Variants in ANKIB1 observed in about 807,000 individuals in gnomAD.
The protein encoded by ANKIB1 is ankyrin repeat and IBR domain containing 1, also known as ankyrin repeat and IBR domain-containing protein 1.
In ANKIB1, 43 loss-of-function variants were observed where a neutral mutation model predicts 122.1. The ratio of observed to expected loss-of-function variants is 0.35; its 90% CI spans 0.28 to 0.45. The LOEUF (loss-of-function observed/expected upper bound fraction) is 0.45, where lower values mean the gene tolerates loss of function less well. ANKIB1 is among the 20% of genes least tolerant of loss of function. The probability of loss-of-function intolerance (pLI) is 1.00; values close to 1 mark genes in which losing one functional copy is unlikely to be tolerated. For missense variants in ANKIB1, 992 were observed against 1,329.5 expected (o/e 0.75, Z 3.95); for synonymous variants, 390 against 442.0 (o/e 0.88, Z 1.48).
chr7:92,287,366 A>G (rs1180211295), intron 1 of ANKIB1, among the ~76,000 whole-genome samples: 1 of 152,182 alleles, frequency 6.6e-6, no homozygotes, highest in African/African-American at 2.4e-5. Context: ...TGGCCTTGAC[A>G]CTTTTGAAGA....
chr7:92,259,436 A>G (rs1688514156), intron 1 of ANKIB1, among the ~76,000 whole-genome samples: 1 of 151,994 alleles, frequency 6.6e-6, no homozygotes, highest in African/African-American at 2.4e-5. Flanking sequence ...CTTTTTTTGT[A>G]TTCAATTTGA....
chr7:92,368,486 G>C (rs557406024), intron 10 of ANKIB1, among the ~76,000 whole-genome samples: 1 of 152,076 alleles, frequency 6.6e-6, no homozygotes, highest in South Asian at 2.1e-4. Context: ...AGAGGCCAAC[G>C]CAGGCAGATC....
chr7:92,247,188 T>C (rs1801131868), intron 1 of ANKIB1, among the ~76,000 whole-genome samples: 1 of 152,238 alleles, frequency 6.6e-6, no homozygotes, highest in African/African-American at 2.4e-5. Flanking sequence ...TGTATTGGAA[T>C]GACCATTTCA....
At chr7:92,278,167 C>G (rs1801943200) in intron 1 of ANKIB1, among the ~76,000 whole-genome samples, 1 of 151,944 alleles carries the variant, frequency 6.6e-6, no homozygotes, top group African/African-American at 2.4e-5. Context: ...GGGAAGAGTG[C>G]TTGAGCCCAG....
At chr7:92,322,616 T>C (rs1802935702) in intron 4 of ANKIB1, among the ~76,000 whole-genome samples, 1 of 152,166 alleles carries the variant, frequency 6.6e-6, no homozygotes, top group Non-Finnish European at 1.5e-5. Flanking sequence ...GAATTTTTAA[T>C]GCAAAAGTAA....
intron 1 of ANKIB1, among the ~76,000 whole-genome samples, chr7:92,289,642 T>C (rs1476210481): frequency 6.6e-6 from 1 of 152,180 alleles, no homozygotes; most frequent in Non-Finnish European, 1.5e-5. Flanking sequence ...TTAAGACCAG[T>C]TGAAATCATC....
intron 10 of ANKIB1, 68 bp from the exon 11 acceptor site, chr7:92,371,409 G>GT (rs920312714): frequency 2.2e-3 from 2,917 of 1,337,986 alleles, no homozygotes; most frequent in Non-Finnish European, 2.4e-3. Context: ...AGTGTGGAGG[G>GT]TTTTTTTTTC....
Position 92,387,303 on chromosome 7 carries a change from A to G in ANKIB1, c.1753-495A>G, listed in dbSNP as rs531537126. ...GCTTCAAAATATTAATTTTAGGGGG[A>G]ATACCATTAGTCCATAGCAAAAAGC... On this transcript the variant is annotated intron_variant, in intron 12 of 19. Transcript: ENST00000265742. Among the ~76,000 whole-genome samples the G allele has an allele frequency of 2.6e-5, 4 of 152,172 alleles. No individual in the cohort carries two copies. In the South Asian group the frequency reaches 8.3e-4, roughly 32 times the overall value.
chr7:92,274,245 G>GA (rs1253060624), intron 1 of ANKIB1, among the ~76,000 whole-genome samples: 1 of 151,898 alleles, frequency 6.6e-6, no homozygotes, highest in Non-Finnish European at 1.5e-5. Flanking sequence ...CTGCAGATTT[G>GA]AAAAAACAAA....
chr7:92,344,193 GTTTTTTTTTT>G (rs67933063), intron 6 of ANKIB1, among the ~76,000 whole-genome samples: 1 of 97,676 alleles, frequency 1.0e-5, no homozygotes, highest in Non-Finnish European at 2.0e-5. Flanking sequence ...TGTGTTTTTG[GTTTTTTTTTT>G]TTTTTTTTTT....
intron 10 of ANKIB1, among the ~76,000 whole-genome samples, chr7:92,369,661 C>T (rs928387143): frequency 1.3e-5 from 2 of 152,142 alleles, no homozygotes; most frequent in Non-Finnish European, 2.9e-5. Flanking sequence ...AACCATTTAC[C>T]CCACCACCCT....
At chr7:92,302,430 C>T (rs766003386) in intron 2 of ANKIB1, among the ~76,000 whole-genome samples, 10 of 152,110 alleles carry the variant, frequency 6.6e-5, no homozygotes, top group Non-Finnish European at 1.5e-4. Context: ...AATAGATGCA[C>T]CTTTGCATCT....
chr7:92,389,330 T>TC (rs1804733918), intron 14 of ANKIB1, among the ~76,000 whole-genome samples: 1 of 151,980 alleles, frequency 6.6e-6, no homozygotes, highest in Non-Finnish European at 1.5e-5. Flanking sequence ...CTGGTTTTTT[T>TC]CTGGTTTTGT....
chr7:92,257,814 A>C (rs770815574), intron 1 of ANKIB1, among the ~76,000 whole-genome samples: 2 of 152,180 alleles, frequency 1.3e-5, no homozygotes, highest in African/African-American at 2.4e-5. Context: ...AATAAAATAA[A>C]ATAAAGATTA....
intron 2 of ANKIB1, among the ~76,000 whole-genome samples, chr7:92,296,560 C>T (rs1341138077): frequency 1.3e-5 from 2 of 152,116 alleles, no homozygotes; most frequent in Non-Finnish European, 2.9e-5. Context: ...ATTGTCATAA[C>T]CCATGGGAAC....
At chr7:92,261,000 C>T (rs1233903031) in intron 1 of ANKIB1, among the ~76,000 whole-genome samples, 5 of 151,848 alleles carry the variant, frequency 3.3e-5, no homozygotes, top group Non-Finnish European at 1.5e-5. Flanking sequence ...ATTTACTCTG[C>T]TTTCCTTTTT....
At chr7:92,341,915 C>T (rs983017726) in intron 5 of ANKIB1, among the ~76,000 whole-genome samples, 5 of 152,068 alleles carry the variant, frequency 3.3e-5, no homozygotes, top group African/African-American at 9.7e-5. Flanking sequence ...TTAACCCCAT[C>T]GTAAGTCAAG....
rs1804994721 is a variant in ANKIB1, at chr7:92,400,672, C to T, written c.*1723C>T. 1 of 151,752 alleles carries T rather than the reference C, an allele frequency of 6.6e-6. No homozygotes were observed. The highest frequency in any genetic ancestry group is 1.5e-5 in the Non-Finnish European group (1 of 67,986). 9.4% of individuals were successfully genotyped at this position (151,752 alleles called of 1,614,324 possible). A position where few individuals can be genotyped will look rare whatever the true frequency, so the allele number is the denominator to read the frequency against. ...ACACTGTATTAGAATATTTAATATT[C>T]CCCAGATCCTCTTAGGATAAACTGT... is the stretch of plus-strand genomic sequence containing the variant. On this transcript the variant is annotated 3_prime_UTR_variant, in exon 20 of 20. Transcript: ENST00000265742.
chr7:92,253,507 C>T (rs1801372867), intron 1 of ANKIB1, among the ~76,000 whole-genome samples: 1 of 152,220 alleles, frequency 6.6e-6, no homozygotes, highest in African/African-American at 2.4e-5. Flanking sequence ...CCCAACATGA[C>T]CTCACTGCCC....
Sources: allele counts gnomAD v4.1 joint callset (sites outside exome capture counted in the v4.1 genomes callset), GRCh38; gene constraint gnomAD v4.1.1; transcripts MANE v1.5; gene names NCBI Gene and HGNC (gene_info 2026-07-23, HGNC 2026-07-21).